The following DDAH1 variants were observed in gnomAD, a reference collection of about 807,000 sequenced individuals.
DDAH1 encodes N(G),N(G)-dimethylarginine dimethylaminohydrolase 1.
In DDAH1, 19 loss-of-function variants were observed where a neutral mutation model predicts 28.8. That is an observed-to-expected ratio of 0.66 (90% confidence interval 0.46 to 0.97). The LOEUF is 0.97. DDAH1 is among the 50% of genes least tolerant of loss of function. DDAH1 has a pLI of 0.00. For missense variants in DDAH1, 326 were observed against 375.9 expected, an observed-to-expected ratio of 0.87 and a Z score of 1.10; for synonymous variants, 153 against 154.4, an observed-to-expected ratio of 0.99 and a Z score of 0.07.
intron 1 of DDAH1, among the ~76,000 whole-genome samples, chr1:85,375,438 A>G (rs889249677): frequency 2.0e-5 from 3 of 152,156 alleles, no homozygotes; most frequent in Non-Finnish European, 4.4e-5. Context: ...TTATAACTAA[A>G]AAGGATTTAA....
chr1:85,415,005 C>CTTTTTTTTTTTTT (rs71727580), intron 1 of DDAH1, among the ~76,000 whole-genome samples: 1 of 57,606 alleles, frequency 1.7e-5, no homozygotes, highest in African/African-American at 6.4e-5. Context: ...TCAAGTGTTG[C>CTTTTTTTTTTTTT]TTTTTTTTTT....
chr1:85,373,662 C>T (rs1650505307), intron 1 of DDAH1, among the ~76,000 whole-genome samples: 1 of 152,136 alleles, frequency 6.6e-6, no homozygotes, highest in South Asian at 2.1e-4. Flanking sequence ...TCAAATAAAT[C>T]TCTTTCCTGT....
At chr1:85,570,817 A>C (rs1659433598) in intron 1 of DDAH1, among the ~76,000 whole-genome samples, 1 of 152,234 alleles carries the variant, frequency 6.6e-6, no homozygotes, top group African/African-American at 2.4e-5. Context: ...AAATCAGTGC[A>C]CCTGAAAGTG....
At chr1:85,561,671 G>T (rs546907701) in intron 1 of DDAH1, among the ~76,000 whole-genome samples, 2 of 152,028 alleles carry the variant, frequency 1.3e-5, no homozygotes, top group Non-Finnish European at 2.9e-5. Flanking sequence ...TTAAAGTCAC[G>T]TTTAAAATTA....
chr1:85,558,837 AT>A (rs1476471446), intron 1 of DDAH1, among the ~76,000 whole-genome samples: 1 of 152,100 alleles, frequency 6.6e-6, no homozygotes, highest in Non-Finnish European at 1.5e-5. Context: ...TGTACATAGA[AT>A]TTTTTGCTCT....
intron 1 of DDAH1, among the ~76,000 whole-genome samples, chr1:85,422,925 A>C (rs1425462595): frequency 6.6e-6 from 1 of 152,208 alleles, no homozygotes; most frequent in Non-Finnish European, 1.5e-5. Context: ...GAATCCAACC[A>C]TGCTGCCACC....
chr1:85,332,995 C>A (rs974432198), intron 4 of DDAH1, among the ~76,000 whole-genome samples: 1 of 150,762 alleles, frequency 6.6e-6, no homozygotes, highest in African/African-American at 2.4e-5. Context: ...ATAACCAGCA[C>A]CCAAGAAAGC....
intron 1 of DDAH1, 32 bp from the exon 2 acceptor site, chr1:85,358,879 G>A: frequency 6.7e-7 from 1 of 1,493,520 alleles, no homozygotes; most frequent in Non-Finnish European, 9.2e-7. Flanking sequence ...AGATTACTAT[G>A]CTACAATTTC....
At chr1:85,332,985 A>G (rs1647870899) in intron 4 of DDAH1, among the ~76,000 whole-genome samples, 2 of 151,990 alleles carry the variant, frequency 1.3e-5, no homozygotes. Context: ...CACTGCTGCC[A>G]TAACCAGCAC....
chr1:85,429,274 T>A (rs925550780), intron 1 of DDAH1, among the ~76,000 whole-genome samples: 2 of 152,128 alleles, frequency 1.3e-5, no homozygotes, highest in African/African-American at 2.4e-5. Flanking sequence ...TGTATGGTTT[T>A]CTGTTCCTGT....
intron 1 of DDAH1, among the ~76,000 whole-genome samples, chr1:85,390,075 C>T (rs143294654): frequency 3.1e-4 from 47 of 152,214 alleles, no homozygotes; most frequent in African/African-American, 1.0e-3. Context: ...AATATGTGGT[C>T]GCATATCTTT....
intron 1 of DDAH1, among the ~76,000 whole-genome samples, chr1:85,451,078 C>A (rs1654652005): frequency 6.6e-6 from 1 of 152,212 alleles, no homozygotes; most frequent in African/African-American, 2.4e-5. Context: ...ACTGGCCCGG[C>A]TGCCAGCTGA....
intron 1 of DDAH1, among the ~76,000 whole-genome samples, chr1:85,546,321 C>A (rs544757316): frequency 6.6e-6 from 1 of 151,912 alleles, no homozygotes; most frequent in African/African-American, 2.4e-5. Flanking sequence ...TCTCTCTAGC[C>A]CTCTCACCTT....
At position 85,503,022 on chromosome 1, in the gene DDAH1, ATTG is replaced by A. The variant is rs1656875712; in HGVS notation, c.-122-6744_-122-6742del. On this transcript the variant is annotated intron_variant, in intron 1 of 6. Coordinates refer to the DDAH1 transcript ENST00000426972. The stretch of plus-strand genomic sequence containing the variant: ...ATCTCATTGAACACGGACTCAGTAA[ATTG>A]TTAAGTGTTTGCTAAGAACTTTTTA... 2.6e-5 allele frequency among the ~76,000 whole-genome samples: 4 copies of A among 152,216 alleles called. No individual in the cohort carries two copies. The South Asian group carries it at 6.2e-4, about 24-fold the overall frequency.
In DDAH1 at chr1:85,321,543, A is replaced by G; in HGVS notation, c.767T>C (p.Met256Thr). 1.2e-6 allele frequency: 2 copies of G among 1,613,990 alleles called. No homozygotes were observed. Among genetic ancestry groups the G allele is most frequent in the Non-Finnish European group, 1.7e-6 (2 of 1,179,834 alleles). ...TTCAGACATGCTCACGGGGATCAGCATATGGTCCTTCAGTTTCTCATAAAC... is the reference window on the plus strand; with the variant it reads ...TTCAGACATGCTCACGGGGATCAGCGTATGGTCCTTCAGTTTCTCATAAAC... Reference protein sequence around the residue: ...AKVYEKLKDHMLIPVSMSELE... With the variant: ...AKVYEKLKDHTLIPVSMSELE... Residue 256 changes from methionine to threonine, a missense_variant, in exon 6 of 6, where the codon ATG (methionine) becomes ACG (threonine). Coordinates refer to ENST00000284031, the MANE Select transcript of DDAH1 (RefSeq NM_012137.4).
At chr1:85,548,821 C>T (rs1181392678) in intron 1 of DDAH1, among the ~76,000 whole-genome samples, 1 of 152,202 alleles carries the variant, frequency 6.6e-6, no homozygotes, top group Admixed American at 6.5e-5. Flanking sequence ...TTTGGAGATT[C>T]ATAATTACAT....
intron 1 of DDAH1, among the ~76,000 whole-genome samples, chr1:85,384,040 G>A (rs12140170): frequency 0.16 from 23,848 of 152,172 alleles, 2,263 homozygotes; most frequent in Admixed American, 0.22. Flanking sequence ...TGATCATGAT[G>A]TGTAAAGTTT....
intron 1 of DDAH1, among the ~76,000 whole-genome samples, chr1:85,445,656 G>A (rs1182984418): frequency 1.3e-5 from 2 of 152,164 alleles, no homozygotes; most frequent in Admixed American, 6.5e-5. Flanking sequence ...TGTTGCCCAG[G>A]CTGCAGTGCA....
intron 1 of DDAH1, among the ~76,000 whole-genome samples, chr1:85,406,324 C>G (rs1047731086): frequency 6.6e-6 from 1 of 152,104 alleles, no homozygotes; most frequent in African/African-American, 2.4e-5. Context: ...CATCTGGATC[C>G]AATAAACTTA....
Sources: gnomAD v4.1 joint callset for allele counts (sites outside exome capture counted in the v4.1 genomes callset) on GRCh38, gnomAD v4.1.1 for gene constraint, MANE v1.5 for transcripts, NCBI Gene and HGNC (gene_info 2026-07-23, HGNC 2026-07-21) for gene names.